The following PLCD3 variants were observed in gnomAD, a reference collection of about 807,000 sequenced individuals.
PLCD3 encodes 1-phosphatidylinositol 4,5-bisphosphate phosphodiesterase delta-3.
A neutral mutation model predicts 82.8 loss-of-function variants in PLCD3; 62 were observed. The observed-to-expected ratio is 0.75, with a 90% confidence interval of 0.61 to 0.93. The LOEUF is 0.93. PLCD3 is among the 40% of genes least tolerant of loss of function. PLCD3 has a pLI of 0.00. For missense variants in PLCD3, 1,023 were observed against 1,103.4 expected (o/e 0.93, Z 1.03); for synonymous variants, 478 against 471.8 (o/e 1.01, Z -0.17).
rs550852081 is a variant in PLCD3 at position 45,113,643 on chromosome 17, G to A, written c.1829-38C>T. The A allele has an allele frequency of 4.4e-5, 68 of 1,546,476 alleles. No individual in the cohort carries two copies. In the African/African-American group the frequency reaches 8.1e-4, roughly 18 times the overall value. ...CAGGGTCAGAGCAGGGGCTCTTAGC[G>A]GCCCTGTTCTCACTACTCAGTTTCA... On this transcript the variant is annotated intron_variant, in intron 11 of 14. Coordinates refer to ENST00000619929, the MANE Select transcript of PLCD3 (RefSeq NM_133373.5).
At chr17:45,116,238 G>A (rs903283454) in intron 8 of PLCD3, among the ~76,000 whole-genome samples, 33 of 152,194 alleles carry the variant, frequency 2.2e-4, no homozygotes, top group Non-Finnish European at 4.1e-4. Flanking sequence ...AGGAAGAGGC[G>A]GCTGAAGTTG....
At chr17:45,114,489 A>T in intron 10 of PLCD3, 123 bp from the exon 11 acceptor site, 1 of 689,340 alleles carries the variant, frequency 1.5e-6, no homozygotes, top group Non-Finnish European at 2.3e-6. Flanking sequence ...CCCGCTCCTC[A>T]CTCTCTTCTG....
At position 45,121,093 on chromosome 17, in the gene PLCD3, GT is replaced by G; in HGVS notation, c.362del (p.His121ProfsTer47). 1 of 1,535,738 alleles carries G rather than the reference GT, an allele frequency of 6.5e-7. No individual in the cohort carries two copies. Among genetic ancestry groups the G allele is most frequent in the Non-Finnish European group, 8.7e-7 (1 of 1,149,748 alleles). On this transcript the variant is annotated frameshift_variant, in exon 3 of 15. Transcript: ENST00000619929. LOFTEE classifies it high-confidence loss of function. ...CGAAGCGCCGCAGGCCCTCGGACTGGTGGCCCTCGCGGACCGCCTCGATGTG... is the reference window on the plus strand; with the variant it reads ...CGAAGCGCCGCAGGCCCTCGGACTGGGGCCCTCGCGGACCGCCTCGATGTG... ...VQHIEAVREGHQSEGLRRFGG... is the reference protein window; with the variant it reads ...VQHIEAVREGXQSEGLRRFGG...
At chr17:45,127,766 GAC>G (rs1311509832) in intron 1 of PLCD3, among the ~76,000 whole-genome samples, 1 of 151,134 alleles carries the variant, frequency 6.6e-6, no homozygotes, top group African/African-American at 2.4e-5. Flanking sequence ...GTGTGCGTGA[GAC>G]AGTGTGTGTG....
chr17:45,112,688 G>T lies in PLCD3; in HGVS notation c.2298C>A (p.His766Gln). The T allele has an allele frequency of 6.2e-7, 1 of 1,606,344 alleles. No homozygotes were observed. The highest frequency in any genetic ancestry group is 8.5e-7 in the Non-Finnish European group (1 of 1,176,710). The change falls in exon 15 of 15, where the codon CAC becomes CAA. Residue 766 changes from histidine to glutamine, a missense_variant. Physicochemically the swap from His to Gln is conservative, Grantham distance 24. Coordinates refer to ENST00000619929, the MANE Select transcript of PLCD3 (RefSeq NM_133373.5). ...SSLKQGYRHI[H>Q]LLSKDGASLS... The stretch of plus-strand genomic sequence containing the variant: ...GTGAGGCCCCGTCCTTGGAAAGCAG[G>T]TGTATGTGGCGGTACCCTGTAGGGA...
At position 45,132,439 on chromosome 17, in the gene PLCD3, G is replaced by A; in HGVS notation, c.-29C>T. ...TTGGCGGGGGGCCGGGGCCGGGCCC[G>A]GGGTCTGCACGCGGGGACAGGGCAG... On this transcript the variant is annotated 5_prime_UTR_variant, in exon 1 of 15. Transcript: ENST00000619929. The surrounding 1 kb of genome is among the most constrained non-coding windows in gnomAD (Gnocchi z 4.6). 1.7e-6 allele frequency: 2 copies of A among 1,184,644 alleles called. No individual in the cohort carries two copies. Among genetic ancestry groups the A allele is most frequent in the Non-Finnish European group, 1.0e-6 (1 of 955,048 alleles). 73.4% of individuals were successfully genotyped at this position (1,184,644 alleles called of 1,614,324 possible).
rs769088711 is a variant in PLCD3, at chr17:45,114,318, G to A, written c.1760C>T (p.Pro587Leu). ...HNARQLTRVY[P>L]LGLRMNSANY... is the part of the protein sequence containing the mutation. ...GGCTGAGTTCATCCGCAGCCCCAGC[G>A]GGTACACGCGGGTCAGCTGGCGGGC... The change falls in exon 11 of 15, where the codon CCG (proline) becomes CTG (leucine). Residue 587 changes from proline to leucine, a missense_variant. Physicochemically the swap from Pro to Leu is moderately conservative, Grantham distance 98. Around this residue, in one of 3 missense-constraint regions of PLCD3, gnomAD observed 553 missense variants for 655.7 expected, o/e 0.84. Coordinates refer to ENST00000619929, the MANE Select transcript of PLCD3 (RefSeq NM_133373.5). 1.7e-5 allele frequency: 26 copies of A among 1,549,504 alleles called. No individual in the cohort carries two copies. Among genetic ancestry groups the A allele is most frequent in the Admixed American group, 2.0e-5 (1 of 50,580 alleles).
chr17:45,116,806 C>A, intron 7 of PLCD3, 22 bp from the exon 8 acceptor site: 1 of 1,546,154 alleles, frequency 6.5e-7, no homozygotes. Flanking sequence ...AGGGCAGCAG[C>A]TCAGAGCCAC....
intron 1 of PLCD3, among the ~76,000 whole-genome samples, chr17:45,128,183 T>A (rs2054395680): frequency 6.6e-6 from 1 of 151,662 alleles, no homozygotes; most frequent in African/African-American, 2.4e-5. Context: ...GGTGCCAGAG[T>A]CCATAACATT....
In PLCD3 at chr17:45,112,897, G is replaced by A. The variant is rs1323264582; in HGVS notation, c.2247C>T (p.Gly749=). The A allele has an allele frequency of 3.7e-6, 6 of 1,612,542 alleles. No homozygotes were observed. Among genetic ancestry groups the A allele is most frequent in the Non-Finnish European group, 5.1e-6 (6 of 1,179,290 alleles). The change falls in exon 14 of 15, where the codon GGC becomes GGT. Residue 749 remains glycine (G), a synonymous_variant. Coordinates refer to ENST00000619929, the MANE Select transcript of PLCD3 (RefSeq NM_133373.5). ...GGCTGCTAAGAGGCAGTGTAAACTG[G>A]CCCACAAAGTCATTGGGGGAGGTGG... ...YDATSPNDFV[G]QFTLPLSSLK...
chr17:45,113,751 AG>A, intron 11 of PLCD3, 146 bp from the exon 12 acceptor site: 1 of 1,053,430 alleles, frequency 9.5e-7, no homozygotes, highest in Non-Finnish European at 1.3e-6. Context: ...ACTTTAGGGG[AG>A]GGGGTCATGG....
intron 7 of PLCD3, among the ~76,000 whole-genome samples, chr17:45,117,217 T>C (rs1235106171): frequency 1.3e-5 from 2 of 152,022 alleles, no homozygotes; most frequent in East Asian, 3.9e-4. Flanking sequence ...AGTGCTGGGA[T>C]TACAGGTGAG....
Position 45,118,141 on chromosome 17 carries a change from G to A in PLCD3, c.1116-3C>T. On this transcript the variant is annotated splice_region_variant and splice_polypyrimidine_tract_variant and intron_variant, in intron 6 of 14. Coordinates refer to ENST00000619929, the MANE Select transcript of PLCD3 (RefSeq NM_133373.5). This position sits in a 1 kb window ranked among gnomAD's most constrained non-coding sequence, Gnocchi z 4.1. ...AGCGGCATCCCTGGGCAAAGGCCCT[G>A]TGTGTGGACAGATGGGTGGACGGGC... 6.2e-7 allele frequency: 1 copy of A among 1,613,956 alleles called. No homozygotes were observed. Among genetic ancestry groups the A allele is most frequent in the African/African-American group, 1.3e-5 (1 of 75,072 alleles).
Position 45,132,076 on chromosome 17 carries a change from CG to C in PLCD3, c.163+171del, listed in dbSNP as rs1263658358. On this transcript the variant is annotated intron_variant, in intron 1 of 14. Coordinates refer to ENST00000619929, the MANE Select transcript of PLCD3 (RefSeq NM_133373.5). This position sits in a 1 kb window ranked among gnomAD's most constrained non-coding sequence, Gnocchi z 4.6. ...GGCGCCCGGCTCGCCCCGGGACCCT[CG>C]GATGACCCCAGGTGCGACCCCCAGC... 2.0e-5 allele frequency among the ~76,000 whole-genome samples: 3 copies of C among 152,166 alleles called. No individual in the cohort carries two copies. The highest frequency in any genetic ancestry group is 4.4e-5 in the Non-Finnish European group (3 of 68,024).
intron 10 of PLCD3, among the ~76,000 whole-genome samples, chr17:45,114,811 G>A (rs896116216): frequency 1.7e-4 from 26 of 152,098 alleles, no homozygotes; most frequent in African/African-American, 6.3e-4. Flanking sequence ...CAGTGTTGCA[G>A]CAGCTGCTGG....
At chr17:45,124,932 T>C (rs984501728) in intron 1 of PLCD3, among the ~76,000 whole-genome samples, 2 of 152,270 alleles carry the variant, frequency 1.3e-5, no homozygotes, top group African/African-American at 4.8e-5. Flanking sequence ...CAGATGAGCC[T>C]GTAATCCCAG....
At chr17:45,120,578 G>A in intron 3 of PLCD3, 124 bp from the exon 4 acceptor site, 1 of 1,299,772 alleles carries the variant, frequency 7.7e-7, no homozygotes, top group Non-Finnish European at 1.1e-6. Context: ...CTTTCCCCTT[G>A]GCCTGTGCAC....
rs990783212 is a variant in PLCD3 at position 45,132,401 on chromosome 17, C to A, written c.10G>T (p.Gly4Cys). 7.1e-5 allele frequency: 87 copies of A among 1,221,900 alleles called. No individual in the cohort carries two copies. Among genetic ancestry groups the A allele is most frequent in the Non-Finnish European group, 8.5e-5 (83 of 981,788 alleles). 75.7% of individuals were successfully genotyped at this position (1,221,900 alleles called of 1,614,324 possible). The change falls in exon 1 of 15, where the codon GGC becomes TGC. Residue 4 changes from glycine (G) to cysteine (C), a missense_variant. Coordinates refer to ENST00000619929, the MANE Select transcript of PLCD3 (RefSeq NM_133373.5). This position sits in a 1 kb window ranked among gnomAD's most constrained non-coding sequence, Gnocchi z 4.6. ...GGGCGGCGGCAACGCCTCCAGCGGC[C>A]GCACAGCATGGCTTGGCGGGGGGCC... MLC[G>C]RWRRCRRPPE...
Position 45,118,560 on chromosome 17 carries a change from C to G in PLCD3, c.914-68G>C. The G allele has an allele frequency of 1.9e-6, 3 of 1,549,312 alleles. No homozygotes were observed. Among genetic ancestry groups the G allele is most frequent in the Non-Finnish European group, 2.7e-6 (3 of 1,129,488 alleles). ...CCCCATGTCCAGCTTCCAATGCCCC[C>G]AAGGCCCACTCAGCTTAGGAATAAT... On this transcript the variant is annotated intron_variant, in intron 5 of 14. Transcript: ENST00000619929. The surrounding 1 kb of genome is among the most constrained non-coding windows in gnomAD (Gnocchi z 4.1).
Sources: allele counts gnomAD v4.1 joint callset (sites outside exome capture counted in the v4.1 genomes callset), GRCh38; gene constraint gnomAD v4.1.1; regional missense constraint gnomAD v4.1.1; non-coding constraint Gnocchi (gnomAD v3.1); transcripts MANE v1.5; gene names NCBI Gene and HGNC (gene_info 2026-07-23, HGNC 2026-07-21).